The following NOVA1 variants were observed in gnomAD, a reference collection of about 807,000 sequenced individuals.
NOVA1 encodes the protein NOVA alternative splicing regulator 1, also known as RNA-binding protein Nova-1.
A neutral mutation model predicts 38.0 loss-of-function variants in NOVA1; 7 were observed. That is an observed-to-expected ratio of 0.18 (90% CI 0.10 to 0.35). The LOEUF is 0.35. NOVA1 is among the 10% of genes least tolerant of loss of function. The pLI, the probability that NOVA1 is intolerant of heterozygous loss-of-function variation, is 1.00. For synonymous variants in NOVA1, 270 were observed against 232.5 expected, an observed-to-expected ratio of 1.16 and a Z score of -1.47; for missense variants, 460 against 616.0, an observed-to-expected ratio of 0.75 and a Z score of 2.68.
intron 2 of NOVA1, among the ~76,000 whole-genome samples, chr14:26,498,008 G>A (rs1171785159): frequency 6.6e-6 from 1 of 152,094 alleles, no homozygotes; most frequent in Non-Finnish European, 1.5e-5. Flanking sequence ...ACTTTTTAAT[G>A]TAGAAATTCT....
intron 2 of NOVA1, among the ~76,000 whole-genome samples, chr14:26,531,614 A>AAACAC (rs1889721813): frequency 6.6e-6 from 1 of 152,026 alleles, no homozygotes; most frequent in Admixed American, 6.6e-5. Context: ...TCTCAAAACA[A>AAACAC]AACAAAACAA....
At chr14:26,557,905 C>A (rs1891591938) in intron 2 of NOVA1, among the ~76,000 whole-genome samples, 1 of 151,342 alleles carries the variant, frequency 6.6e-6, no homozygotes, top group Non-Finnish European at 1.5e-5. Flanking sequence ...AGTGATACAT[C>A]CATACAATGG....
At chr14:26,569,313 A>T (rs1190466676) in intron 2 of NOVA1, among the ~76,000 whole-genome samples, 2 of 152,226 alleles carry the variant, frequency 1.3e-5, no homozygotes, top group Non-Finnish European at 2.9e-5. Context: ...AACCTTGTAA[A>T]GTATTTTGAA....
chr14:26,512,386 C>T (rs1888164529), intron 2 of NOVA1, among the ~76,000 whole-genome samples: 1 of 152,130 alleles, frequency 6.6e-6, no homozygotes, highest in African/African-American at 2.4e-5. Flanking sequence ...TAGTTTAAAG[C>T]AGGGGTCAGT....
Position 26,479,327 on chromosome 14 carries a change from A to G in NOVA1, c.447+650T>C, listed in dbSNP as rs1427124691. On this transcript the variant is annotated intron_variant, in intron 3 of 4. Coordinates refer to ENST00000539517, the MANE Select transcript of NOVA1 (RefSeq NM_002515.3). ...ATTTTCCCCCTACATCATGTCACCC[A>G]TTATTCAATCTTAAAAACTCACATC... 5 of 152,018 alleles carry G rather than the reference A, an allele frequency of 3.3e-5. No individual in the cohort carries two copies. The East Asian group carries it at 9.6e-4, about 29-fold the overall frequency. 9.4% of individuals were successfully genotyped at this position (152,018 alleles called of 1,614,324 possible).
At chr14:26,595,899 CT>C in intron 1 of NOVA1, 1 of 387,268 alleles carries the variant, frequency 2.6e-6, no homozygotes, top group Admixed American at 3.6e-5. Context: ...TGAACTGACC[CT>C]TTAACAAAAC....
chr14:26,448,224 G>A lies in NOVA1; in HGVS notation c.1259C>T (p.Ser420Phe). The A allele has an allele frequency of 6.2e-7, 1 of 1,614,170 alleles. No homozygotes were observed. The highest frequency in any genetic ancestry group is 8.5e-7 in the Non-Finnish European group (1 of 1,180,036). Residue 420 changes from serine (S) to phenylalanine (F), a missense_variant, in exon 5 of 5, where the codon TCC becomes TTC. By Grantham distance (155) the Ser-to-Phe change is radical (BLOSUM62 -2). Transcript: ENST00000539517. The surrounding 1 kb of genome is among the most constrained non-coding windows in gnomAD (Gnocchi z 5.3). ...CACTGCTATTTCAACTACATCCTTG[G>A]ATCCATCTGTGGACTTTTCTGTTCC... ...ILGTEKSTDG[S>F]KDVVEIAVPE...
intron 2 of NOVA1, among the ~76,000 whole-genome samples, chr14:26,480,765 T>C (rs1242272477): frequency 6.6e-6 from 1 of 152,136 alleles, no homozygotes; most frequent in Non-Finnish European, 1.5e-5. Flanking sequence ...GAATAGCTTC[T>C]GGCACACAAT....
At chr14:26,517,694 C>T (rs1888571517) in intron 2 of NOVA1, among the ~76,000 whole-genome samples, 1 of 151,908 alleles carries the variant, frequency 6.6e-6, no homozygotes, top group Admixed American at 6.6e-5. Context: ...TGCCACTTTC[C>T]AGATAAAATT....
chr14:26,491,014 T>A (rs1212386440), intron 2 of NOVA1, among the ~76,000 whole-genome samples: 1 of 151,920 alleles, frequency 6.6e-6, no homozygotes, highest in Non-Finnish European at 1.5e-5. Flanking sequence ...CACGCCCGGA[T>A]AATTTTTTTG....
chr14:26,472,748 T>G (rs1381102967), intron 3 of NOVA1, among the ~76,000 whole-genome samples: 3 of 151,786 alleles, frequency 2.0e-5, no homozygotes, highest in African/African-American at 7.2e-5. Flanking sequence ...TTCAAGAAGT[T>G]CAATGAATAA....
chr14:26,574,738 C>T (rs1336453510), intron 2 of NOVA1, among the ~76,000 whole-genome samples: 1 of 152,122 alleles, frequency 6.6e-6, no homozygotes, highest in African/African-American at 2.4e-5. Flanking sequence ...GCTCACTGCA[C>T]CCTTAACACC....
intron 2 of NOVA1, among the ~76,000 whole-genome samples, chr14:26,554,140 A>C (rs1396717849): frequency 6.7e-6 from 1 of 148,618 alleles, no homozygotes; most frequent in Non-Finnish European, 1.5e-5. Flanking sequence ...AAAAAAAAAA[A>C]AGAAAGAAAA....
chr14:26,521,630 T>G (rs1274058903), intron 2 of NOVA1, among the ~76,000 whole-genome samples: 1 of 152,054 alleles, frequency 6.6e-6, no homozygotes, highest in Non-Finnish European at 1.5e-5. Context: ...AAATTTACTC[T>G]TTATCTTTTT....
At chr14:26,495,475 C>G (rs940867578) in intron 2 of NOVA1, among the ~76,000 whole-genome samples, 11 of 152,066 alleles carry the variant, frequency 7.2e-5, no homozygotes, top group Non-Finnish European at 1.2e-4. Flanking sequence ...CTTGGATGAG[C>G]CCTATTATAA....
At chr14:26,573,311 G>C (rs890463557) in intron 2 of NOVA1, among the ~76,000 whole-genome samples, 5 of 152,100 alleles carry the variant, frequency 3.3e-5, no homozygotes, top group African/African-American at 1.2e-4. Context: ...GAAAGAGTTG[G>C]ATAACCAGGA....
chr14:26,448,357 C>G lies in NOVA1; in HGVS notation c.1126G>C (p.Ala376Pro). ...ASEASASGST[A>P]GGTAGTFALG... ...GCAAATGTCCCCGCCGTACCACCAG[C>G]TGTGCTGCCACTGGCTGAGGCTTCA... The change falls in exon 5 of 5, where the codon GCT becomes CCT. Residue 376 changes from alanine to proline, a missense_variant. Ala to Pro is a conservative substitution (Grantham distance 27, BLOSUM62 -1). Transcript: ENST00000539517. The surrounding 1 kb of genome is among the most constrained non-coding windows in gnomAD (Gnocchi z 5.3). 1 of 1,614,050 alleles carries G rather than the reference C, an allele frequency of 6.2e-7. No homozygotes were observed. Among genetic ancestry groups the G allele is most frequent in the South Asian group, 1.1e-5 (1 of 91,080 alleles).
chr14:26,584,126 T>C (rs1392565944), intron 2 of NOVA1, among the ~76,000 whole-genome samples: 4 of 151,552 alleles, frequency 2.6e-5, no homozygotes, highest in Non-Finnish European at 4.4e-5. Flanking sequence ...CATAGAAATC[T>C]GTCATTCACT....
chr14:26,592,739 A>C (rs1309279254), intron 2 of NOVA1: 1 of 151,750 alleles, frequency 6.6e-6, no homozygotes, highest in Non-Finnish European at 1.5e-5. Context: ...AGAAATAAGA[A>C]AAACAAATAA....
Sources: gnomAD v4.1 joint callset for allele counts (sites outside exome capture counted in the v4.1 genomes callset) on GRCh38, gnomAD v4.1.1 for gene constraint, Gnocchi (gnomAD v3.1) non-coding constraint, MANE v1.5 for transcripts, NCBI Gene and HGNC (gene_info 2026-07-23, HGNC 2026-07-21) for gene names.